Variants in DLGAP2 observed in about 807,000 individuals in gnomAD.
DLGAP2 encodes DLG associated protein 2, also known as disks large-associated protein 2.
Under a neutral mutation model 100.3 loss-of-function variants are expected in DLGAP2, and 26 were observed. That is an observed-to-expected ratio of 0.26 (90% CI 0.19 to 0.36). The LOEUF (loss-of-function observed/expected upper bound fraction) is 0.36, where lower values mean the gene tolerates loss of function less well. DLGAP2 is among the 10% of genes least tolerant of loss of function. The pLI is 1.00. For missense variants in DLGAP2, 1,858 were observed against 1,453.2 expected (o/e 1.28, Z -4.53); for synonymous variants, 886 against 630.1 (o/e 1.41, Z -6.08).
intron 6 of DLGAP2, among the ~76,000 whole-genome samples, chr8:1,591,254 G>C (rs1033706440): frequency 3.3e-5 from 5 of 151,916 alleles, no homozygotes; most frequent in African/African-American, 1.2e-4. Context: ...GGAATTACAG[G>C]GAAGGGAGGT....
intron 5 of DLGAP2, among the ~76,000 whole-genome samples, chr8:1,550,834 C>G (rs547296576): frequency 9.8e-5 from 15 of 152,320 alleles, no homozygotes; most frequent in African/African-American, 3.6e-4. Context: ...TTCCATCAGT[C>G]GATAGCGCTG....
rs79679146 is a variant in DLGAP2, at chr8:1,653,966, C to T, written c.1811-14363C>T. 7.4e-3 allele frequency among the ~76,000 whole-genome samples: 1,121 copies of T among 152,190 alleles called. 16 individuals are homozygous for T. The highest frequency in any genetic ancestry group is 0.026 in the African/African-American group (1,060 of 41,516). On this transcript the variant is annotated intron_variant, in intron 8 of 14. Transcript: ENST00000637795. ...TTTAATTGAAGGTCACTTCCTTATC[C>T]TTAGAAAGAGAGACATTAGTAACTT... is the stretch of plus-strand genomic sequence containing the variant.
chr8:1,282,085 C>A (rs1799826584), intron 3 of DLGAP2, among the ~76,000 whole-genome samples: 1 of 98,770 alleles, frequency 1.0e-5, no homozygotes, highest in Non-Finnish European at 2.0e-5. Context: ...ACCATCCGGA[C>A]ATGGTGTGAC....
At chr8:821,903 C>G (rs1299277184) in intron 1 of DLGAP2, among the ~76,000 whole-genome samples, 2 of 152,240 alleles carry the variant, frequency 1.3e-5, no homozygotes, top group Non-Finnish European at 2.9e-5. Context: ...ACGGTCTGGT[C>G]TACAAACAGT....
chr8:1,104,980 G>A (rs1347280163), intron 2 of DLGAP2: 1 of 152,228 alleles, frequency 6.6e-6, no homozygotes, highest in African/African-American at 2.4e-5. Context: ...CCCTGGAGCA[G>A]AGGAGGAGCA....
intron 2 of DLGAP2, among the ~76,000 whole-genome samples, chr8:970,647 T>C (rs1799989601): frequency 6.6e-6 from 1 of 152,224 alleles, no homozygotes; most frequent in Non-Finnish European, 1.5e-5. Context: ...CTAAACTGTC[T>C]GAGAAATGGG....
At chr8:1,144,086 T>A (rs886985026) in intron 2 of DLGAP2, among the ~76,000 whole-genome samples, 12 of 152,216 alleles carry the variant, frequency 7.9e-5, no homozygotes, top group African/African-American at 2.4e-4. Context: ...CTTTCCCCTG[T>A]GCTCAGAATG....
intron 12 of DLGAP2, among the ~76,000 whole-genome samples, chr8:1,681,535 G>A (rs188983425): frequency 6.6e-6 from 1 of 152,156 alleles, no homozygotes; most frequent in East Asian, 1.9e-4. Context: ...GCACATGCCT[G>A]TAGTCTCAGC....
intron 3 of DLGAP2, among the ~76,000 whole-genome samples, chr8:1,465,625 A>G (rs1315599887): frequency 6.6e-6 from 1 of 152,208 alleles, no homozygotes; most frequent in Non-Finnish European, 1.5e-5. Flanking sequence ...AAGCTCCACA[A>G]AAACCCCGAT....
intron 1 of DLGAP2, among the ~76,000 whole-genome samples, chr8:813,317 A>G (rs937274731): frequency 6.6e-6 from 1 of 152,128 alleles, no homozygotes; most frequent in Non-Finnish European, 1.5e-5. Context: ...TACAGTATTT[A>G]TGGATATAAA....
Position 1,435,255 on chromosome 8 carries a change from C to T in DLGAP2, c.107-66111C>T, listed in dbSNP as rs549435250. On this transcript the variant is annotated intron_variant, in intron 3 of 14. Coordinates refer to ENST00000637795, the MANE Select transcript of DLGAP2 (RefSeq NM_001346810.2). The stretch of plus-strand genomic sequence containing the variant: ...TGGTAGTGGAATGAGGGCAACAAAG[C>T]CTTTTTGTAAGAATAAATGTGAGTT... Among the ~76,000 whole-genome samples, 3 of 152,298 alleles carry T rather than the reference C, an allele frequency of 2.0e-5. No individual in the cohort carries two copies. The East Asian group carries it at 5.8e-4, about 30-fold the overall frequency.
In DLGAP2 at chr8:1,702,460, C is replaced by G. The variant is rs759718787; in HGVS notation, c.*1054C>G. 1 of 152,442 alleles carries G rather than the reference C, an allele frequency of 6.6e-6. No homozygotes were observed. The highest frequency in any genetic ancestry group is 1.5e-5 in the Non-Finnish European group (1 of 68,026). 9.4% of individuals were successfully genotyped at this position (152,442 alleles called of 1,614,324 possible). ...ATATGAATGTGAGTGGTAAGTATATCTCAGTTTAAATGGTAAAGAAGAAAT... is the reference window on the plus strand; with the variant it reads ...ATATGAATGTGAGTGGTAAGTATATGTCAGTTTAAATGGTAAAGAAGAAAT... On this transcript the variant is annotated 3_prime_UTR_variant, in exon 15 of 15. Transcript: ENST00000637795.
chr8:1,567,670 A>G (rs1802458177), intron 6 of DLGAP2, among the ~76,000 whole-genome samples: 1 of 152,156 alleles, frequency 6.6e-6, no homozygotes, highest in African/African-American at 2.4e-5. Flanking sequence ...ACTGGCCCAG[A>G]GTCCTGTACG....
chr8:917,600 G>C (rs1021957562), intron 2 of DLGAP2, among the ~76,000 whole-genome samples: 1 of 151,830 alleles, frequency 6.6e-6, no homozygotes, highest in South Asian at 2.1e-4. Context: ...TGTTGTTGCT[G>C]AGACAGGGTC....
Position 1,190,656 on chromosome 8 carries a change from G to T in DLGAP2, c.74-68195G>T, listed in dbSNP as rs1797613962. The stretch of plus-strand genomic sequence containing the variant: ...AGGTTGTGAGTGTGTGGTTGGCTGG[G>T]AGGCTTATCCTCATCCTCCCAACCC... On this transcript the variant is annotated intron_variant, in intron 2 of 14. Coordinates refer to ENST00000637795, the MANE Select transcript of DLGAP2 (RefSeq NM_001346810.2). Among the ~76,000 whole-genome samples, 2 of 152,164 alleles carry T rather than the reference G, an allele frequency of 1.3e-5. 1 individual carries two copies. The highest frequency in any genetic ancestry group is 4.1e-4 in the South Asian group (2 of 4,822).
intron 3 of DLGAP2, among the ~76,000 whole-genome samples, chr8:1,434,071 G>C (rs1236162798): frequency 6.6e-6 from 1 of 152,168 alleles, no homozygotes; most frequent in Admixed American, 6.5e-5. Context: ...GGCGCTGAAT[G>C]AGGCTCTGTG....
intron 1 of DLGAP2, among the ~76,000 whole-genome samples, chr8:768,507 C>G (rs1170093964): frequency 6.7e-6 from 1 of 150,002 alleles, no homozygotes; most frequent in Non-Finnish European, 1.5e-5. Context: ...TCACTGCAAC[C>G]TCCACCTCCT....
intron 3 of DLGAP2, among the ~76,000 whole-genome samples, chr8:1,266,735 A>C (rs1799458365): frequency 6.6e-6 from 1 of 152,172 alleles, no homozygotes; most frequent in Non-Finnish European, 1.5e-5. Flanking sequence ...GGGAGTGTTG[A>C]GTGCAGACCC....
At chr8:1,118,121 G>A (rs1795937237) in intron 2 of DLGAP2, among the ~76,000 whole-genome samples, 1 of 152,178 alleles carries the variant, frequency 6.6e-6, no homozygotes, top group African/African-American at 2.4e-5. Flanking sequence ...ACAGAGGAGC[G>A]GGCGGAGTGG....
Sources: gnomAD v4.1 joint callset for allele counts (sites outside exome capture counted in the v4.1 genomes callset) on GRCh38, gnomAD v4.1.1 for gene constraint, MANE v1.5 for transcripts, NCBI Gene and HGNC (gene_info 2026-07-23, HGNC 2026-07-21) for gene names.